LRTM3: variants seen among roughly 807,000 people sequenced by gnomAD.
LRTM3 encodes leucine-rich repeat transmembrane protein 3.
the LRTM3 span, chr13:102,733,158 T>C: frequency 1.3e-6 from 2 of 1,551,534 alleles, no homozygotes; most frequent in Non-Finnish European, 1.7e-6. Context: ...GTGTTCGTCC[T>C]GGTCTTGTGC....
At chr13:102,749,799 G>T in the LRTM3 span, 1 of 1,551,362 alleles carries the variant, frequency 6.4e-7, no homozygotes, top group East Asian at 2.4e-5. Flanking sequence ...TTTTGTCCTG[G>T]AAAAGAATCC....
At chr13:102,758,702 C>G in the LRTM3 span, 1 of 1,540,918 alleles carries the variant, frequency 6.5e-7, no homozygotes, top group Non-Finnish European at 8.8e-7. Context: ...TTATTCTTAC[C>G]TCCTGGACAT....
At chr13:102,742,531 T>G in the LRTM3 span, 2 of 1,550,484 alleles carry the variant, frequency 1.3e-6, no homozygotes, top group Non-Finnish European at 1.7e-6. Flanking sequence ...AAAAAACAGA[T>G]TCTGGATTAA....
At chr13:102,731,660 G>C in the LRTM3 span, 6 of 1,551,422 alleles carry the variant, frequency 3.9e-6, no homozygotes, top group Non-Finnish European at 5.2e-6. Context: ...AGCTTTGGTT[G>C]CTTCACAAAT....
At chr13:102,731,145 T>C in the LRTM3 span, 1 of 1,551,410 alleles carries the variant, frequency 6.4e-7, no homozygotes, top group South Asian at 1.2e-5. Flanking sequence ...TTTTCTAGCT[T>C]ATTAATACTC....
chr13:102,755,852 A>T, the LRTM3 span, among the ~76,000 whole-genome samples: 1 of 149,892 alleles, frequency 6.7e-6, no homozygotes, highest in African/African-American at 2.4e-5. Flanking sequence ...TACTATGTTC[A>T]TAGTTCTTTT....
the LRTM3 span, chr13:102,735,534 G>A: frequency 6.4e-7 from 1 of 1,550,738 alleles, no homozygotes; most frequent in Admixed American, 2.0e-5. Context: ...TTTCTCTTTT[G>A]TTCTTTACTT....
At chr13:102,733,025 G>A in the LRTM3 span, 1 of 1,551,396 alleles carries the variant, frequency 6.4e-7, no homozygotes, top group East Asian at 2.4e-5. Context: ...GTCAATCTCT[G>A]TCATATCCAT....
chr13:102,758,717 A>C, the LRTM3 span: 1 of 1,548,208 alleles, frequency 6.5e-7, no homozygotes, highest in South Asian at 1.2e-5. Context: ...GGACATCTGA[A>C]CTACCCTTTT....
chr13:102,733,549 T>G, the LRTM3 span: 3 of 1,551,256 alleles, frequency 1.9e-6, no homozygotes, highest in Non-Finnish European at 2.6e-6. Context: ...TATCCATTAT[T>G]TCAGTGTCTT....
the LRTM3 span, chr13:102,736,236 G>A: frequency 6.5e-7 from 1 of 1,549,470 alleles, no homozygotes; most frequent in Non-Finnish European, 8.7e-7. Flanking sequence ...AGAATCACAT[G>A]AGGACGTCCT....
the LRTM3 span, chr13:102,729,469 A>C: frequency 5.5e-6 from 8 of 1,456,866 alleles, no homozygotes; most frequent in Non-Finnish European, 6.3e-6. Context: ...GAAAAACGGT[A>C]GTAAGGGACC....
chr13:102,739,296 C>T, the LRTM3 span: 2 of 1,549,496 alleles, frequency 1.3e-6, no homozygotes, highest in Non-Finnish European at 1.7e-6. Context: ...TCTTTCACAT[C>T]TACTATATTT....
chr13:102,737,983 G>C, the LRTM3 span: 1 of 1,550,474 alleles, frequency 6.4e-7, no homozygotes, highest in East Asian at 2.4e-5. Context: ...CTTCAACTTC[G>C]TGATCCATTT....
chr13:102,750,109 T>G, the LRTM3 span: 91 of 1,551,046 alleles, frequency 5.9e-5, no homozygotes, highest in Non-Finnish European at 7.7e-5. Flanking sequence ...TTGAAAATAA[T>G]TTCTTGGAGG....
the LRTM3 span, among the ~76,000 whole-genome samples, chr13:102,758,031 T>C: frequency 3.9e-5 from 6 of 152,238 alleles, no homozygotes; most frequent in Non-Finnish European, 7.3e-5. Flanking sequence ...ACTCCTTTCA[T>C]GTCACTCATG....
At chr13:102,745,002 G>A in the LRTM3 span, 5 of 1,550,730 alleles carry the variant, frequency 3.2e-6, no homozygotes, top group South Asian at 2.4e-5. Context: ...TTTAGAGGAA[G>A]AAGTTTTGAA....
the LRTM3 span, chr13:102,746,618 CTTG>C: frequency 7.1e-6 from 11 of 1,551,062 alleles, no homozygotes; most frequent in African/African-American, 1.4e-5. Flanking sequence ...CTTCGCTGTA[CTTG>C]TTGTGAGTGC....
At chr13:102,748,619 G>T in the LRTM3 span, 2 of 1,550,538 alleles carry the variant, frequency 1.3e-6, no homozygotes, top group East Asian at 4.9e-5. Flanking sequence ...TTTTGATATA[G>T]CTTCTTCTAA....
Sources: gnomAD v4.1 joint callset for allele counts (sites outside exome capture counted in the v4.1 genomes callset) on GRCh38, gnomAD v4.1.1 for gene constraint, MANE v1.5 for transcripts, NCBI Gene and HGNC (gene_info 2026-07-23, HGNC 2026-07-21) for gene names.